The following COPS5 variants were observed in gnomAD, a reference collection of about 807,000 sequenced individuals.
COPS5 encodes COP9 signalosome complex subunit 5.
Under a neutral mutation model 44.4 loss-of-function variants are expected in COPS5, and 8 were observed. That is an observed-to-expected ratio of 0.18 (90% CI 0.11 to 0.32). The LOEUF (loss-of-function observed/expected upper bound fraction) is 0.32. Ranked by LOEUF, COPS5 falls within the 10% of genes least tolerant of loss-of-function variation. The probability of loss-of-function intolerance (pLI) is 1.00; values close to 1 mark genes in which losing one functional copy is unlikely to be tolerated. For synonymous variants in COPS5, 122 were observed against 142.8 expected, an observed-to-expected ratio of 0.85 and a Z score of 1.04; for missense variants, 159 against 406.4, an observed-to-expected ratio of 0.39 and a Z score of 5.23.
chr8:67,059,511 T>C, intron 1 of COPS5, 66 bp from the exon 2 acceptor site: 1 of 1,207,438 alleles, frequency 8.3e-7, no homozygotes, highest in South Asian at 1.3e-5. Flanking sequence ...AAAGTTTTTA[T>C]GAAGATAAAG....
chr8:67,050,558 A>AGTGTGTGTGTGTGTGT (rs34629150), intron 6 of COPS5, among the ~76,000 whole-genome samples: 24 of 141,092 alleles, frequency 1.7e-4, no homozygotes, highest in African/African-American at 4.4e-4. Flanking sequence ...TGTGAGTGTG[A>AGTGTGTGTGTGTGTGT]GTGTGTGTGT....
intron 7 of COPS5, chr8:67,043,537 C>T (rs938699520): frequency 7.6e-5 from 27 of 357,528 alleles, no homozygotes; most frequent in Non-Finnish European, 9.5e-5. Flanking sequence ...AGAATGACAA[C>T]GTAAAATTTG....
chr8:67,058,417 AGATT>A (rs1286398407), intron 2 of COPS5, among the ~76,000 whole-genome samples: 1 of 152,268 alleles, frequency 6.6e-6, no homozygotes, highest in East Asian at 1.9e-4. Context: ...GCACATACAT[AGATT>A]GATAAAAACA....
Position 67,043,201 on chromosome 8 carries a change from G to A in COPS5, c.*32C>T, listed in dbSNP as rs377352196. On this transcript the variant is annotated 3_prime_UTR_variant, in exon 8 of 8. Coordinates refer to ENST00000357849, the MANE Select transcript of COPS5 (RefSeq NM_006837.3). ...GTTACTTGAATATTTTTCTCATACT[G>A]TCTTTCAGGTAAAGTACTTCTCAGA... The A allele has an allele frequency of 4.8e-6, 6 of 1,248,806 alleles. No homozygotes were observed. Among genetic ancestry groups the A allele is most frequent in the South Asian group, 3.9e-5 (3 of 77,730 alleles). The allele number at this position is 1,248,806 out of a possible 1,614,324, so 77.4% of individuals were successfully genotyped here. A position where few individuals can be genotyped will look rare whatever the true frequency, so the allele number is the denominator to read the frequency against.
At position 67,059,414 on chromosome 8, in the gene COPS5, C is replaced by A. The variant is rs1804554482; in HGVS notation, c.175G>T (p.Ala59Ser). 1 of 1,614,006 alleles carries A rather than the reference C, an allele frequency of 6.2e-7. No homozygotes were observed. The highest frequency in any genetic ancestry group is 1.1e-5 in the South Asian group (1 of 91,088). ...ATCACCATCTTCAGCAGAGCCAATG[C>A]TGAGATTTTGCAGTACTTAAAGTAA... ...HHYFKYCKISALALLKMVMHA... is the reference protein window; with the variant it reads ...HHYFKYCKISSLALLKMVMHA... Residue 59 changes from alanine (A) to serine (S), a missense_variant, in exon 2 of 8, where the codon GCA (alanine) becomes TCA (serine). Ala to Ser is a moderately conservative substitution (Grantham distance 99, BLOSUM62 1). Coordinates refer to ENST00000357849, the MANE Select transcript of COPS5 (RefSeq NM_006837.3).
rs752986678 is a variant in COPS5 at position 67,060,570 on chromosome 8, T to A, written c.144-1125A>T. 24 of 1,164,990 alleles carry A rather than the reference T, an allele frequency of 2.1e-5. No individual in the cohort carries two copies. The South Asian group carries it at 2.9e-4, about 14-fold the overall frequency. 72.2% of individuals were successfully genotyped at this position (1,164,990 alleles called of 1,614,324 possible). A position where few individuals can be genotyped will look rare whatever the true frequency, so the allele number is the denominator to read the frequency against. ...ACTGGAGAAAAGAAGAAAGACAAGT[T>A]ACTGTGCTCCTATTACATACATTCT... On this transcript the variant is annotated intron_variant, in intron 1 of 7. Coordinates refer to ENST00000357849, the MANE Select transcript of COPS5 (RefSeq NM_006837.3).
At chr8:67,052,247 G>C (rs1004489150) in intron 5 of COPS5, among the ~76,000 whole-genome samples, 2 of 152,040 alleles carry the variant, frequency 1.3e-5, no homozygotes, top group Non-Finnish European at 2.9e-5. Flanking sequence ...TATGTGGAGA[G>C]CAAGGAGGGC....
intron 1 of COPS5, chr8:67,060,854 G>T (rs1804590330): frequency 5.5e-6 from 1 of 183,148 alleles, no homozygotes; most frequent in Admixed American, 5.8e-5. Flanking sequence ...ATACTGTACT[G>T]GGTTGTCATG....
rs780087079 is a variant in COPS5, at chr8:67,056,563, A to G, written c.615T>C (p.Thr205=). 1 of 1,479,580 alleles carries G rather than the reference A, an allele frequency of 6.8e-7. No individual in the cohort carries two copies. 91.7% of individuals were successfully genotyped at this position (1,479,580 alleles called of 1,614,324 possible). The change falls in exon 5 of 8, where the codon ACT becomes ACC. Residue 205 remains threonine, a synonymous_variant. Coordinates refer to ENST00000357849, the MANE Select transcript of COPS5 (RefSeq NM_006837.3). Reference sequence around the variant, plus strand: ...AATCTTCTATTTTATTAAGTGGAATAGTCTGGTACTCAGAAGGTCCTTCAT... The same window carrying G: ...AATCTTCTATTTTATTAAGTGGAATGGTCTGGTACTCAGAAGGTCCTTCAT... ...PPDEGPSEYQ[T]IPLNKIEDFG...
intron 6 of COPS5, chr8:67,047,859 T>A: frequency 1.4e-6 from 1 of 702,548 alleles, no homozygotes; most frequent in Non-Finnish European, 2.6e-6. Context: ...TATACTTGCC[T>A]CTAAGGAAAC....
intron 4 of COPS5, among the ~76,000 whole-genome samples, chr8:67,056,895 G>A (rs1250635463): frequency 6.6e-6 from 1 of 151,606 alleles, no homozygotes; most frequent in Non-Finnish European, 1.5e-5. Flanking sequence ...CTTAGGTGAT[G>A]TACTTTTGTT....
rs774090580 is a variant in COPS5 at position 67,059,195 on chromosome 8, G to A, written c.378+16C>T. Reference sequence around the variant, plus strand: ...CTAACTTGCAATTACTAAACTATAAGAAACAACATTTTTACCTGTTTTGCA... The same window carrying A: ...CTAACTTGCAATTACTAAACTATAAAAAACAACATTTTTACCTGTTTTGCA... On this transcript the variant is annotated intron_variant, in intron 2 of 7. Transcript: ENST00000357849. 1.1e-5 allele frequency: 18 copies of A among 1,598,046 alleles called. No homozygotes were observed. The highest frequency in any genetic ancestry group is 1.5e-5 in the Non-Finnish European group (17 of 1,166,006).
intron 6 of COPS5, among the ~76,000 whole-genome samples, chr8:67,046,840 A>AC (rs1563443872): frequency 6.6e-6 from 1 of 150,774 alleles, no homozygotes; most frequent in South Asian, 2.1e-4. Flanking sequence ...AAAAAAAAAA[A>AC]AAAAAAAACA....
At chr8:67,045,463 A>AG (rs1563443467) in intron 7 of COPS5, 1 of 167,710 alleles carries the variant, frequency 6.0e-6, no homozygotes, top group Non-Finnish European at 1.3e-5. Flanking sequence ...CAAAAAAAAA[A>AG]AGAAATCCTA....
chr8:67,059,223 T>C lies in COPS5; in HGVS notation c.366A>G (p.Glu122=). The C allele has an allele frequency of 6.2e-7, 1 of 1,613,466 alleles. No individual in the cohort carries two copies. The highest frequency in any genetic ancestry group is 8.5e-7 in the Non-Finnish European group (1 of 1,179,398). The change falls in exon 2 of 8, where the codon GAA becomes GAG. Residue 122 remains glutamate (E), a synonymous_variant. Transcript: ENST00000357849. ...AAYEYMAAYI[E]NAKQVGRLEN... ...ACAACATTTTTACCTGTTTTGCATT[T>C]TCTATGTATGCAGCCATGTATTCAT... is the stretch of plus-strand genomic sequence containing the variant.
intron 2 of COPS5, 30 bp downstream of exon 2, chr8:67,059,181 T>C: frequency 1.3e-6 from 2 of 1,546,770 alleles, no homozygotes; most frequent in Non-Finnish European, 1.8e-6. Context: ...TAACTTGCAA[T>C]TACTAAACTA....
chr8:67,047,955 T>C (rs1816720263), intron 6 of COPS5: 2 of 699,928 alleles, frequency 2.9e-6, no homozygotes, highest in Admixed American at 4.0e-5. Context: ...CATCCTAATT[T>C]GCTACTTCTG....
intron 5 of COPS5, among the ~76,000 whole-genome samples, chr8:67,052,225 C>A (rs1200935088): frequency 6.6e-6 from 1 of 151,928 alleles, no homozygotes; most frequent in Non-Finnish European, 1.5e-5. Flanking sequence ...ATTTTTGAGT[C>A]TATGGTATGG....
intron 5 of COPS5, among the ~76,000 whole-genome samples, chr8:67,053,659 C>A (rs1177081833): frequency 2.7e-5 from 4 of 150,340 alleles, no homozygotes. Context: ...CGAGATGGCA[C>A]CACTGTACTC....
Sources: gnomAD v4.1 joint callset for allele counts (sites outside exome capture counted in the v4.1 genomes callset) on GRCh38, gnomAD v4.1.1 for gene constraint, MANE v1.5 for transcripts, NCBI Gene and HGNC (gene_info 2026-07-23, HGNC 2026-07-21) for gene names.